TEX11: variants seen among roughly 807,000 people sequenced by gnomAD.
The protein encoded by TEX11 is testis-expressed protein 11.
TEX11 carries 7 observed loss-of-function variants against 84.4 expected under a neutral mutation model. The ratio of observed to expected loss-of-function variants is 0.08; its 90% CI spans 0.05 to 0.16. The LOEUF (loss-of-function observed/expected upper bound fraction) is 0.16, where lower values mean the gene tolerates loss of function less well. Among genes scored for constraint, TEX11 ranks in the 10% least tolerant of loss-of-function variants. The probability of loss-of-function intolerance (pLI) is 1.00; values close to 1 mark genes in which losing one functional copy is unlikely to be tolerated. For missense variants in TEX11, 551 were observed against 660.5 expected (o/e 0.83, Z 1.82); for synonymous variants, 264 against 222.8 (o/e 1.18, Z -1.64).
chrX:70,524,654 C>T (rs2087806396), downstream of TEX11, among the ~76,000 whole-genome samples: 1 of 112,633 alleles, frequency 8.9e-6, no homozygotes, highest in Non-Finnish European at 1.9e-5. Context: ...TAACCTCCGC[C>T]TCCCAGGTTC....
intron 9 of TEX11, among the ~76,000 whole-genome samples, chrX:70,770,414 A>G (rs2090965308): frequency 9.0e-6 from 1 of 111,638 alleles, no homozygotes; most frequent in Non-Finnish European, 1.9e-5. Flanking sequence ...TTTTAAATGC[A>G]GTATAGAAAT....
In TEX11 at chrX:70,897,747, G is replaced by C. The variant is rs192252523; in HGVS notation, c.37+10006C>G. On this transcript the variant is annotated intron_variant, in intron 2 of 29. Coordinates refer to ENST00000374333, the MANE Select transcript of TEX11 (RefSeq NM_031276.3). ...AGAAAGAAAGAAAGAAAAGAGACAA[G>C]AGTTATTTTATTCAATCATTCAATA... Among the ~76,000 whole-genome samples the C allele has an allele frequency of 5.2e-4, 56 of 108,137 alleles. No individual in the cohort carries two copies. In the East Asian group the frequency reaches 0.01, roughly 20 times the overall value. The allele number at this position is 108,137 out of a possible 115,157, so 93.9% of individuals were successfully genotyped here.
intron 13 of TEX11, among the ~76,000 whole-genome samples, chrX:70,683,577 G>A (rs769620103): frequency 6.7e-4 from 74 of 111,259 alleles, no homozygotes; most frequent in Admixed American, 1.1e-3. Context: ...GGCTGTGATC[G>A]GGCTACTGCA....
intron 2 of TEX11, among the ~76,000 whole-genome samples, chrX:70,903,630 T>C (rs1457128387): frequency 9.1e-6 from 1 of 110,456 alleles, no homozygotes; most frequent in Non-Finnish European, 1.9e-5. Context: ...GTTTAAAGGA[T>C]AGCACACAAA....
At chrX:70,730,088 C>G (rs1023485885) in intron 11 of TEX11, among the ~76,000 whole-genome samples, 1 of 111,652 alleles carries the variant, frequency 9.0e-6, no homozygotes, top group Non-Finnish European at 1.9e-5. Flanking sequence ...AAATAAAATC[C>G]TTTACAGATA....
intron 17 of TEX11, among the ~76,000 whole-genome samples, chrX:70,641,825 C>T (rs1425609076): frequency 1.8e-5 from 2 of 110,211 alleles, no homozygotes; most frequent in African/African-American, 6.6e-5. Context: ...AGGAAAGATC[C>T]AAAATTGACA....
chrX:70,550,709 C>T (rs1434486859), intron 28 of TEX11, among the ~76,000 whole-genome samples: 1 of 111,314 alleles, frequency 9.0e-6, no homozygotes, highest in Non-Finnish European at 1.9e-5. Context: ...ATCATCTCAC[C>T]CCAGTTAAAA....
chrX:70,905,805 A>G (rs1022432839), intron 2 of TEX11, among the ~76,000 whole-genome samples: 47 of 107,692 alleles, frequency 4.4e-4, no homozygotes, highest in Non-Finnish European at 8.6e-4. Context: ...TAATCCTAAG[A>G]CTTTGGGAGG....
chrX:70,630,315 A>T (rs905897028), intron 17 of TEX11, among the ~76,000 whole-genome samples: 2 of 72,912 alleles, frequency 2.7e-5, no homozygotes, highest in African/African-American at 1.0e-4. Flanking sequence ...CTGTCTCAGA[A>T]AAAAAAAAAA....
intron 11 of TEX11, among the ~76,000 whole-genome samples, chrX:70,729,245 A>C (rs1295635415): frequency 8.9e-6 from 1 of 111,842 alleles, no homozygotes; most frequent in Non-Finnish European, 1.9e-5. Context: ...AATTCTAAAA[A>C]TCAGAGCACC....
intron 16 of TEX11, among the ~76,000 whole-genome samples, chrX:70,662,195 G>T (rs994355826): frequency 8.9e-6 from 1 of 111,876 alleles, no homozygotes; most frequent in African/African-American, 3.3e-5. Flanking sequence ...TGAAAACCAT[G>T]GTACGAGAAC....
At chrX:70,788,714 A>ACACG (rs2091094899) in intron 9 of TEX11, among the ~76,000 whole-genome samples, 1 of 102,931 alleles carries the variant, frequency 9.7e-6, no homozygotes, top group Non-Finnish European at 2.0e-5. Context: ...ACACACACAC[A>ACACG]CACACACACA....
intron 17 of TEX11, among the ~76,000 whole-genome samples, chrX:70,632,126 A>AC (rs2089518084): frequency 9.1e-6 from 1 of 110,327 alleles, no homozygotes; most frequent in South Asian, 3.9e-4. Flanking sequence ...AACCTGAAAA[A>AC]AAAAAAAAAT....
intron 25 of TEX11, among the ~76,000 whole-genome samples, chrX:70,579,851 T>C (rs1022351654): frequency 8.1e-5 from 9 of 111,724 alleles, no homozygotes; most frequent in African/African-American, 2.9e-4. Context: ...CAAAAACAAA[T>C]GCTGGCGATG....
At chrX:70,546,910 G>A (rs1387032721) in intron 28 of TEX11, among the ~76,000 whole-genome samples, 1 of 106,058 alleles carries the variant, frequency 9.4e-6, no homozygotes, top group Non-Finnish European at 1.9e-5. Flanking sequence ...ACTTGCACAT[G>A]AATATTTATA....
Position 70,624,876 on chromosome X carries a change from G to A in TEX11, c.1657C>T (p.His553Tyr). 8.3e-7 allele frequency: 1 copy of A among 1,209,822 alleles called. No homozygotes were observed. The highest frequency in any genetic ancestry group is 1.1e-6 in the Non-Finnish European group (1 of 894,318). The change falls in exon 19 of 30, where the codon CAT becomes TAT. Residue 553 changes from histidine (H) to tyrosine (Y), a missense_variant. His to Tyr is a moderately conservative substitution (Grantham distance 83). Transcript: ENST00000374333. ...AEKALEYLAQ[H>Y]SEDQEQVLTA... ...AGAACTTGTTCCTGGTCTTCTGAAT[G>A]TTGAGCTAAATATTCCAAAGCTTTT...
At chrX:70,730,221 C>A (rs902848488) in intron 11 of TEX11, among the ~76,000 whole-genome samples, 9 of 111,478 alleles carry the variant, frequency 8.1e-5, no homozygotes, top group Admixed American at 2.9e-4. Context: ...ATTGTAAAGA[C>A]CATCAAGGCT....
At chrX:70,736,932 A>G (rs1319217569) in intron 11 of TEX11, among the ~76,000 whole-genome samples, 1 of 112,019 alleles carries the variant, frequency 8.9e-6, no homozygotes, top group East Asian at 2.8e-4. Context: ...ATAAAGCTCA[A>G]TAAGATTTAT....
At chrX:70,550,164 G>T (rs1394148006) in intron 28 of TEX11, among the ~76,000 whole-genome samples, 5 of 112,640 alleles carry the variant, frequency 4.4e-5, no homozygotes, top group African/African-American at 1.6e-4. Context: ...TTCAATAAAT[G>T]GTGCTGGGAA....
Sources: gnomAD v4.1 joint callset for allele counts (sites outside exome capture counted in the v4.1 genomes callset) on GRCh38, gnomAD v4.1.1 for gene constraint, MANE v1.5 for transcripts, NCBI Gene and HGNC (gene_info 2026-07-23, HGNC 2026-07-21) for gene names.